SPAG16: variants seen among roughly 807,000 people sequenced by gnomAD.
SPAG16 encodes the protein sperm associated antigen 16.
A neutral mutation model predicts 80.4 loss-of-function variants in SPAG16; 86 were observed. That is an observed-to-expected ratio of 1.07 (90% CI 0.90 to 1.28). The LOEUF is 1.28. Ranked by LOEUF, SPAG16 falls within the 50% of genes most tolerant of loss-of-function variation. SPAG16 has a pLI of 0.00. For missense variants in SPAG16, 870 were observed against 765.3 expected, an observed-to-expected ratio of 1.14 and a Z score of -1.61; for synonymous variants, 294 against 265.9, an observed-to-expected ratio of 1.11 and a Z score of -1.03.
intron 15 of SPAG16, among the ~76,000 whole-genome samples, chr2:214,321,704 T>C (rs956293777): frequency 5.3e-5 from 8 of 152,360 alleles, no homozygotes; most frequent in Admixed American, 2.0e-4. Flanking sequence ...ATTTCCTTTG[T>C]TTACTAGACT....
At chr2:214,107,658 T>G (rs2053450805) in intron 13 of SPAG16, among the ~76,000 whole-genome samples, 1 of 152,202 alleles carries the variant, frequency 6.6e-6, no homozygotes, top group Non-Finnish European at 1.5e-5. Context: ...AGTTTGGTTC[T>G]CACAAAACAA....
intron 15 of SPAG16, among the ~76,000 whole-genome samples, chr2:214,163,958 AAT>A (rs2056553778): frequency 6.6e-6 from 1 of 152,078 alleles, no homozygotes; most frequent in Non-Finnish European, 1.5e-5. Flanking sequence ...CTTTAAAAAA[AAT>A]ACCTGTACAG....
chr2:213,396,294 T>C (rs16850264), intron 9 of SPAG16, among the ~76,000 whole-genome samples: 3,627 of 152,314 alleles, frequency 0.024, 62 homozygotes, highest in African/African-American at 0.039. Flanking sequence ...CTAGCATCTT[T>C]TCGATATTGA....
chr2:213,313,005 A>G (rs951693621), intron 4 of SPAG16, among the ~76,000 whole-genome samples: 1 of 151,778 alleles, frequency 6.6e-6, no homozygotes, highest in African/African-American at 2.4e-5. Context: ...CTACACAAAT[A>G]TTTGTTCCTT....
intron 5 of SPAG16, among the ~76,000 whole-genome samples, chr2:213,332,808 T>G (rs1336900517): frequency 6.6e-6 from 1 of 152,120 alleles, no homozygotes. Context: ...GAGAAAAATT[T>G]AATACAATTC....
Position 213,981,149 on chromosome 2 carries a change from G to A in SPAG16, c.1401-32802G>A, listed in dbSNP as rs184881910. Among the ~76,000 whole-genome samples, 176 of 152,110 alleles carry A rather than the reference G, an allele frequency of 1.2e-3. 1 individual carries two copies. Among genetic ancestry groups the A allele is most frequent in the Non-Finnish European group, 3.7e-4 (25 of 67,982 alleles). ...TGCCTTCTCACTGTGTCCTCACTTGGCAAAGAAAGTGAGAGAGCCTTCGGG... is the reference window on the plus strand; with the variant it reads ...TGCCTTCTCACTGTGTCCTCACTTGACAAAGAAAGTGAGAGAGCCTTCGGG... On this transcript the variant is annotated intron_variant, in intron 12 of 15. Coordinates refer to ENST00000331683, the MANE Select transcript of SPAG16 (RefSeq NM_024532.5).
In SPAG16 at chr2:213,317,792, G is replaced by A. The variant is rs1209253572; in HGVS notation, c.536+436G>A. The A allele has an allele frequency of 3.2e-6, 3 of 927,938 alleles. No individual in the cohort carries two copies. The African/African-American group carries it at 5.3e-5, about 17-fold the overall frequency. 57.5% of individuals were successfully genotyped at this position (927,938 alleles called of 1,614,324 possible). A position where few individuals can be genotyped will look rare whatever the true frequency, so the allele number is the denominator to read the frequency against. ...AGGAATAATATAAACTGTGGACTTT[G>A]GGTGATAATGATATGTAGGTTCGTC... is the stretch of plus-strand genomic sequence containing the variant. On this transcript the variant is annotated intron_variant, in intron 5 of 15. Transcript: ENST00000331683.
chr2:214,346,166 A>G (rs1698035088), intron 15 of SPAG16, among the ~76,000 whole-genome samples: 1 of 152,246 alleles, frequency 6.6e-6, no homozygotes, highest in Admixed American at 6.5e-5. Flanking sequence ...ATATACCCAC[A>G]TGCTTTCAAA....
intron 15 of SPAG16, among the ~76,000 whole-genome samples, chr2:214,155,732 A>G (rs2056184249): frequency 6.6e-6 from 1 of 152,160 alleles, no homozygotes; most frequent in African/African-American, 2.4e-5. Context: ...GTGAAGCAAC[A>G]TTAACTCACA....
At chr2:213,484,835 A>T (rs958816348) in intron 9 of SPAG16, among the ~76,000 whole-genome samples, 1 of 152,104 alleles carries the variant, frequency 6.6e-6, no homozygotes, top group Non-Finnish European at 1.5e-5. Context: ...TTATCAGCAG[A>T]CTTTCTGAGT....
chr2:214,259,643 G>T (rs754263385), intron 15 of SPAG16, among the ~76,000 whole-genome samples: 38 of 151,192 alleles, frequency 2.5e-4, no homozygotes, highest in Non-Finnish European at 4.3e-4. Context: ...TTTTTGGTTG[G>T]TTTGGTTGGT....
Position 213,623,336 on chromosome 2 carries a change from T to A in SPAG16, c.1070+133246T>A, listed in dbSNP as rs567940154. 4.6e-5 allele frequency among the ~76,000 whole-genome samples: 7 copies of A among 152,262 alleles called. No homozygotes were observed. In the East Asian group the frequency reaches 1.2e-3, roughly 25 times the overall value. Reference sequence around the variant, plus strand: ...CTAAATCGAAGGTAAAATTATGTTTTTTTCCTGAACTATGAATTCTATGCT... The same window carrying A: ...CTAAATCGAAGGTAAAATTATGTTTATTTCCTGAACTATGAATTCTATGCT... On this transcript the variant is annotated intron_variant, in intron 10 of 15. Transcript: ENST00000331683.
chr2:214,115,876 C>CA (rs34111831), intron 14 of SPAG16, among the ~76,000 whole-genome samples: 22,578 of 65,486 alleles, frequency 0.34, 3,070 homozygotes, highest in East Asian at 0.51. Flanking sequence ...GACTCCATCT[C>CA]AAAAAAAAAA....
At chr2:214,065,995 G>A (rs1056813192) in intron 13 of SPAG16, among the ~76,000 whole-genome samples, 1 of 152,168 alleles carries the variant, frequency 6.6e-6, no homozygotes, top group South Asian at 2.1e-4. Flanking sequence ...TACTAGTGCA[G>A]ATTATCATCT....
At chr2:214,072,629 G>T (rs968881143) in intron 13 of SPAG16, among the ~76,000 whole-genome samples, 5 of 152,060 alleles carry the variant, frequency 3.3e-5, no homozygotes, top group African/African-American at 7.2e-5. Context: ...AGAAATGTAG[G>T]TGTTTGATAA....
chr2:213,908,580 C>G (rs980098219), intron 11 of SPAG16, among the ~76,000 whole-genome samples: 2 of 152,078 alleles, frequency 1.3e-5, no homozygotes, highest in Admixed American at 6.6e-5. Context: ...TCTCATTCGA[C>G]GAGAATTCAT....
chr2:213,905,975 G>A (rs2077413541), intron 11 of SPAG16, among the ~76,000 whole-genome samples: 1 of 152,296 alleles, frequency 6.6e-6, no homozygotes, highest in South Asian at 2.1e-4. Flanking sequence ...CTAGCACATT[G>A]TAATCAACTT....
At chr2:213,605,621 C>A (rs1240829622) in intron 10 of SPAG16, among the ~76,000 whole-genome samples, 1 of 152,096 alleles carries the variant, frequency 6.6e-6, no homozygotes, top group East Asian at 1.9e-4. Flanking sequence ...TGCAGAGTAG[C>A]TGGGACTACA....
chr2:214,319,132 G>C (rs1695899395), intron 15 of SPAG16, among the ~76,000 whole-genome samples: 1 of 150,834 alleles, frequency 6.6e-6, no homozygotes, highest in Non-Finnish European at 1.5e-5. Context: ...TGGAGAAAAG[G>C]ACTGCTCTAC....
Sources: allele counts gnomAD v4.1 joint callset (sites outside exome capture counted in the v4.1 genomes callset), GRCh38; gene constraint gnomAD v4.1.1; transcripts MANE v1.5; gene names NCBI Gene and HGNC (gene_info 2026-07-23, HGNC 2026-07-21).